Variants in MORC1 observed in about 807,000 individuals in gnomAD.
MORC1 encodes the protein MORC family CW-type zinc finger 1, also known as MORC family CW-type zinc finger protein 1.
MORC1 carries 59 observed loss-of-function variants against 134.9 expected under a neutral mutation model. That is an observed-to-expected ratio of 0.44 (90% CI 0.35 to 0.54). The LOEUF is 0.54. Ranked by LOEUF, MORC1 falls within the 20% of genes least tolerant of loss-of-function variation. MORC1 has a pLI of 0.00. For synonymous variants in MORC1, 395 were observed against 391.7 expected (o/e 1.01, Z -0.10); for missense variants, 947 against 1,134.5 (o/e 0.83, Z 2.37).
chr3:109,015,241 A>G (rs6437813), intron 17 of MORC1, among the ~76,000 whole-genome samples: 138,677 of 152,146 alleles, frequency 0.91, 64,123 homozygotes, highest in East Asian at 1. Flanking sequence ...AATGACCTCC[A>G]GTAACAGGGT....
At chr3:109,107,037 C>T (rs1434001691) in intron 3 of MORC1, among the ~76,000 whole-genome samples, 1 of 152,196 alleles carries the variant, frequency 6.6e-6, no homozygotes, top group Non-Finnish European at 1.5e-5. Flanking sequence ...TGCACAAACA[C>T]TCCCCTTGAA....
intron 20 of MORC1, among the ~76,000 whole-genome samples, chr3:109,004,063 G>A (rs751447286): frequency 8.6e-5 from 13 of 150,980 alleles, no homozygotes; most frequent in African/African-American, 1.5e-4. Flanking sequence ...GCGAGACTTC[G>A]TCTCAAAAAA....
chr3:109,098,067 T>C (rs1301399747), intron 6 of MORC1, among the ~76,000 whole-genome samples: 1 of 152,010 alleles, frequency 6.6e-6, no homozygotes, highest in Non-Finnish European at 1.5e-5. Context: ...GAACAGGCCA[T>C]TTATTTTTAT....
At position 109,103,883 on chromosome 3, in the gene MORC1, C is replaced by G; in HGVS notation, c.189G>C (p.Leu63Phe). 1 of 1,614,016 alleles carries G rather than the reference C, an allele frequency of 6.2e-7. No homozygotes were observed. The highest frequency in any genetic ancestry group is 8.5e-7 in the Non-Finnish European group (1 of 1,179,922). The change falls in exon 4 of 28, where the codon TTG (leucine) becomes TTC (phenylalanine). Residue 63 changes from leucine (L) to phenylalanine (F), a missense_variant. Around this residue, in one of 3 missense-constraint regions of MORC1, gnomAD observed 214 missense variants for 281.3 expected, o/e 0.76. Coordinates refer to ENST00000232603, the MANE Select transcript of MORC1 (RefSeq NM_014429.4). ...DNEKLQGGFMLCFLDDGCGMS... is the reference protein window; with the variant it reads ...DNEKLQGGFMFCFLDDGCGMS... The stretch of plus-strand genomic sequence containing the variant: ...TGCCACATCCATCATCCAGGAAACA[C>G]AACATGAATCCCCCCTGCAGTTTTT...
At chr3:108,970,276 A>C (rs2107389046) in intron 25 of MORC1, among the ~76,000 whole-genome samples, 1 of 152,210 alleles carries the variant, frequency 6.6e-6, no homozygotes, top group South Asian at 2.1e-4. Context: ...AAAGCAAAAA[A>C]AATAAAAATA....
Position 108,965,403 on chromosome 3 carries a change from C to CA in MORC1, c.2605-1796dup, listed in dbSNP as rs1947192237. On this transcript the variant is annotated intron_variant, in intron 26 of 27. Transcript: ENST00000232603. ...AATAAATAAAGCAATTGTCAAATGACACACACATATGATTCCATTTCTACA... is the reference window on the plus strand; with the variant it reads ...AATAAATAAAGCAATTGTCAAATGACAACACACATATGATTCCATTTCTACA... Among the ~76,000 whole-genome samples, 3 of 152,278 alleles carry CA rather than the reference C, an allele frequency of 2.0e-5. No homozygotes were observed. The South Asian group carries it at 6.2e-4, about 32-fold the overall frequency.
intron 15 of MORC1, 128 bp downstream of exon 15, chr3:109,035,212 C>T (rs4855575): frequency 0.96 from 777,675 of 809,498 alleles, 375,353 homozygotes; most frequent in East Asian, 1. Flanking sequence ...AACTTTCTTC[C>T]AGACTGTAAA....
chr3:109,005,395 T>TTA, intron 18 of MORC1, 80 bp from the exon 19 acceptor site: 1 of 1,289,572 alleles, frequency 7.8e-7, no homozygotes, highest in Non-Finnish European at 1.0e-6. Context: ...CATAACCTCA[T>TTA]TATAATAGGT....
chr3:109,078,258 G>A (rs1950459550), intron 8 of MORC1, among the ~76,000 whole-genome samples: 1 of 152,002 alleles, frequency 6.6e-6, no homozygotes, highest in African/African-American at 2.4e-5. Context: ...CCTTATCAGA[G>A]ATTCACTTTT....
intron 14 of MORC1, among the ~76,000 whole-genome samples, chr3:109,042,516 T>C (rs1250464760): frequency 6.6e-6 from 1 of 152,132 alleles, no homozygotes; most frequent in Non-Finnish European, 1.5e-5. Flanking sequence ...TGAAAAATAA[T>C]ATGGAGTTTC....
intron 9 of MORC1, among the ~76,000 whole-genome samples, chr3:109,068,451 T>C (rs1174203066): frequency 6.6e-6 from 1 of 152,218 alleles, no homozygotes; most frequent in African/African-American, 2.4e-5. Context: ...AGTGAGAACA[T>C]AAGATATTTG....
chr3:109,110,433 T>C (rs1361296676), intron 3 of MORC1: 1 of 259,550 alleles, frequency 3.9e-6, no homozygotes, highest in Non-Finnish European at 7.2e-6. Flanking sequence ...TAATTATGAA[T>C]AACCGTTAAT....
chr3:108,991,932 T>C (rs2096815552), intron 21 of MORC1, among the ~76,000 whole-genome samples: 1 of 152,218 alleles, frequency 6.6e-6, no homozygotes, highest in South Asian at 2.1e-4. Flanking sequence ...GTTTTTCTTG[T>C]CTTTCTATAC....
At chr3:109,071,035 A>T (rs1251271068) in intron 8 of MORC1, among the ~76,000 whole-genome samples, 1 of 152,178 alleles carries the variant, frequency 6.6e-6, no homozygotes, top group Admixed American at 6.5e-5. Context: ...CGAGTGTTGC[A>T]CTACAAATAC....
chr3:109,054,182 T>C lies in MORC1; in HGVS notation c.1330+546A>G, dbSNP rs887492207. ...CTGTAATCCCAGCCACTCGGGAGGC[T>C]GAGGCAGAGAATTGCTTGAACCAGG... is the stretch of plus-strand genomic sequence containing the variant. On this transcript the variant is annotated intron_variant, in intron 14 of 27. Coordinates refer to ENST00000232603, the MANE Select transcript of MORC1 (RefSeq NM_014429.4). Among the ~76,000 whole-genome samples the C allele has an allele frequency of 2.0e-5, 3 of 151,300 alleles. No individual in the cohort carries two copies. The Admixed American group carries it at 2.0e-4, about 10-fold the overall frequency.
chr3:109,078,863 T>C (rs568574645), intron 8 of MORC1, among the ~76,000 whole-genome samples: 1 of 151,838 alleles, frequency 6.6e-6, no homozygotes, highest in Non-Finnish European at 1.5e-5. Flanking sequence ...AAAAACTCCA[T>C]GTCAACAAAC....
At chr3:109,035,704 C>T (rs965348451) in intron 14 of MORC1, among the ~76,000 whole-genome samples, 1 of 152,032 alleles carries the variant, frequency 6.6e-6, no homozygotes, top group African/African-American at 2.4e-5. Flanking sequence ...AGTAAATCTG[C>T]AATATCTTTA....
intron 1 of MORC1, among the ~76,000 whole-genome samples, chr3:109,114,753 T>C (rs925961832): frequency 2.1e-4 from 32 of 152,170 alleles, no homozygotes; most frequent in Non-Finnish European, 2.9e-5. Flanking sequence ...TCAAGTGAGG[T>C]TTTTCCCAGA....
At position 109,055,613 on chromosome 3, in the gene MORC1, G is replaced by T. The variant is rs553100750; in HGVS notation, c.1176-731C>A. On this transcript the variant is annotated intron_variant, in intron 13 of 27. Transcript: ENST00000232603. The stretch of plus-strand genomic sequence containing the variant: ...AGGCCTAAATTGACTTCTCCAGTTT[G>T]CTCTACTGCCCCTCCTAAATGCTCT... 7.9e-5 allele frequency among the ~76,000 whole-genome samples: 12 copies of T among 152,248 alleles called. No individual in the cohort carries two copies. The East Asian group carries it at 2.3e-3, about 29-fold the overall frequency.
Sources: allele counts gnomAD v4.1 joint callset (sites outside exome capture counted in the v4.1 genomes callset), GRCh38; gene constraint gnomAD v4.1.1; regional missense constraint gnomAD v4.1.1; transcripts MANE v1.5; gene names NCBI Gene and HGNC (gene_info 2026-07-23, HGNC 2026-07-21).